The following CHCHD6 variants were observed in gnomAD, a reference collection of about 807,000 sequenced individuals.
CHCHD6 encodes the protein coiled-coil-helix-coiled-coil-helix domain containing 6.
A neutral mutation model predicts 32.3 loss-of-function variants in CHCHD6; 28 were observed. The ratio of observed to expected loss-of-function variants is 0.87; its 90% CI spans 0.64 to 1.19. The LOEUF is 1.19. CHCHD6 is among the 50% of genes most tolerant of loss of function. The pLI is 0.00. For synonymous variants in CHCHD6, 122 were observed against 117.5 expected, an observed-to-expected ratio of 1.04 and a Z score of -0.25; for missense variants, 333 against 307.0, an observed-to-expected ratio of 1.08 and a Z score of -0.63.
At chr3:126,876,812 T>G (rs1419796882) in intron 5 of CHCHD6, among the ~76,000 whole-genome samples, 14 of 152,054 alleles carry the variant, frequency 9.2e-5, no homozygotes, top group Admixed American at 9.2e-4. Context: ...AATGTGTAAA[T>G]GATTGAAGAA....
At chr3:126,858,932 C>T (rs1441114891) in intron 5 of CHCHD6, among the ~76,000 whole-genome samples, 2 of 152,234 alleles carry the variant, frequency 1.3e-5, no homozygotes, top group Non-Finnish European at 1.5e-5. Context: ...GAATCGCCTG[C>T]TGCTCCGTTG....
At chr3:126,928,176 G>A (rs1007628523) in intron 6 of CHCHD6, among the ~76,000 whole-genome samples, 1 of 152,268 alleles carries the variant, frequency 6.6e-6, no homozygotes, top group African/African-American at 2.4e-5. Flanking sequence ...GCAGAGGCTG[G>A]TGAGACCCAT....
intron 4 of CHCHD6, among the ~76,000 whole-genome samples, chr3:126,763,337 C>T (rs1244366016): frequency 6.9e-6 from 1 of 144,950 alleles, no homozygotes; most frequent in East Asian, 2.2e-4. Flanking sequence ...CTCCCTCCCC[C>T]TCCTCTTTCA....
chr3:126,943,208 C>G (rs922163982), intron 6 of CHCHD6, among the ~76,000 whole-genome samples: 1 of 152,212 alleles, frequency 6.6e-6, no homozygotes, highest in Non-Finnish European at 1.5e-5. Flanking sequence ...ATGACGCCCC[C>G]CACTACCACC....
chr3:126,844,297 A>G (rs1017039034), intron 4 of CHCHD6, among the ~76,000 whole-genome samples: 2 of 152,170 alleles, frequency 1.3e-5, no homozygotes, highest in South Asian at 2.1e-4. Context: ...TGTTCTATCA[A>G]TATTTTGAGA....
chr3:126,879,851 G>A (rs1253606516), intron 5 of CHCHD6, among the ~76,000 whole-genome samples: 6 of 152,182 alleles, frequency 3.9e-5, no homozygotes, highest in Non-Finnish European at 5.9e-5. Context: ...AATGACTGCC[G>A]TGATGAAATG....
At chr3:126,776,134 G>T (rs1256943696) in intron 4 of CHCHD6, among the ~76,000 whole-genome samples, 1 of 152,176 alleles carries the variant, frequency 6.6e-6, no homozygotes, top group Admixed American at 6.5e-5. Context: ...GCTTCTGGTT[G>T]TCTTGGGTCT....
intron 4 of CHCHD6, among the ~76,000 whole-genome samples, chr3:126,753,149 C>T (rs1462690980): frequency 2.0e-5 from 3 of 152,144 alleles, no homozygotes; most frequent in East Asian, 1.9e-4. Context: ...TTCTTGGGGG[C>T]GGATGGACTG....
At chr3:126,890,518 G>T (rs1576561183) in intron 5 of CHCHD6, among the ~76,000 whole-genome samples, 1 of 152,162 alleles carries the variant, frequency 6.6e-6, no homozygotes, top group Admixed American at 6.5e-5. Flanking sequence ...GGCCCCTGGG[G>T]GACAGAGTCA....
intron 4 of CHCHD6, among the ~76,000 whole-genome samples, chr3:126,746,526 C>T (rs533170496): frequency 3.1e-4 from 47 of 152,250 alleles, no homozygotes; most frequent in African/African-American, 9.1e-4. Context: ...GGGCAGGATC[C>T]GCCCAAGAGC....
intron 1 of CHCHD6, among the ~76,000 whole-genome samples, chr3:126,713,225 G>A (rs903350564): frequency 3.3e-5 from 5 of 152,104 alleles, no homozygotes; most frequent in Non-Finnish European, 7.4e-5. Context: ...GTCATTAAAT[G>A]CAGACAGTTA....
At position 126,852,719 on chromosome 3, in the gene CHCHD6, A is replaced by G. The variant is rs768346867; in HGVS notation, c.484A>G (p.Ile162Val). ...CTTCTACAAGGAGCAGCTGGAGCGT[A>G]TTGAGAGGAAGGTAAGACTCCTGCT... ...DTFYKEQLER[I>V]ERKNAEMYKL... The change falls in exon 5 of 8, where the codon ATT (isoleucine) becomes GTT (valine). Residue 162 changes from isoleucine to valine, a missense_variant. Transcript: ENST00000290913. The G allele has an allele frequency of 2.4e-5, 38 of 1,611,906 alleles. No individual in the cohort carries two copies. Among genetic ancestry groups the G allele is most frequent in the Admixed American group, 1.7e-4 (10 of 59,960 alleles).
At chr3:126,792,017 G>A (rs908150248) in intron 4 of CHCHD6, among the ~76,000 whole-genome samples, 2 of 151,996 alleles carry the variant, frequency 1.3e-5, no homozygotes, top group Non-Finnish European at 2.9e-5. Context: ...ACGTTTTCGG[G>A]GTTCGTCCAT....
chr3:126,810,801 T>C (rs889777553), intron 4 of CHCHD6, among the ~76,000 whole-genome samples: 6 of 152,196 alleles, frequency 3.9e-5, no homozygotes, highest in Non-Finnish European at 7.3e-5. Flanking sequence ...GTATGGATGC[T>C]ATCATACTAC....
At chr3:126,776,310 A>C (rs981613806) in intron 4 of CHCHD6, among the ~76,000 whole-genome samples, 3 of 152,174 alleles carry the variant, frequency 2.0e-5, no homozygotes, top group Non-Finnish European at 4.4e-5. Context: ...ATTGGATATA[A>C]AGTTGTATAT....
intron 5 of CHCHD6, among the ~76,000 whole-genome samples, chr3:126,877,712 T>A (rs574313522): frequency 6.6e-6 from 1 of 152,274 alleles, no homozygotes; most frequent in East Asian, 1.9e-4. Context: ...CAAGCACAAA[T>A]GAGTGTGTAT....
chr3:126,937,346 G>GGTC (rs2078495229), intron 6 of CHCHD6, among the ~76,000 whole-genome samples: 1 of 152,220 alleles, frequency 6.6e-6, no homozygotes, highest in Admixed American at 6.5e-5. Flanking sequence ...GGAAGAAGCA[G>GGTC]CCTGGGTGGT....
At chr3:126,930,986 A>G (rs1052211554) in intron 6 of CHCHD6, among the ~76,000 whole-genome samples, 7 of 152,204 alleles carry the variant, frequency 4.6e-5, no homozygotes, top group Admixed American at 2.0e-4. Flanking sequence ...TGGAGTGTCT[A>G]CAGTGAGGTC....
rs950962829 is a variant in CHCHD6, at chr3:126,783,097, C to T, written c.411+49875C>T. 2.0e-5 allele frequency among the ~76,000 whole-genome samples: 3 copies of T among 152,282 alleles called. 1 individual carries two copies. ...AGTTTGTACTCTTTGACCTACCTCT[C>T]CCCTACCCCATAGCCTCTGGCATCC... On this transcript the variant is annotated intron_variant, in intron 4 of 7. Coordinates refer to ENST00000290913, the MANE Select transcript of CHCHD6 (RefSeq NM_032343.3).
Sources: gnomAD v4.1 joint callset for allele counts (sites outside exome capture counted in the v4.1 genomes callset) on GRCh38, gnomAD v4.1.1 for gene constraint, MANE v1.5 for transcripts, NCBI Gene and HGNC (gene_info 2026-07-23, HGNC 2026-07-21) for gene names.